ASB4: variants seen among roughly 807,000 people sequenced by gnomAD.
The protein encoded by ASB4 is ankyrin repeat and SOCS box protein 4.
ASB4 carries 35 observed loss-of-function variants against 38.6 expected under a neutral mutation model. That is an observed-to-expected ratio of 0.91 (90% CI 0.69 to 1.20). The LOEUF (loss-of-function observed/expected upper bound fraction) is 1.20, where lower values mean the gene tolerates loss of function less well. ASB4 is among the 50% of genes most tolerant of loss of function. The probability of loss-of-function intolerance (pLI) is 0.00; values close to 1 mark genes in which losing one functional copy is unlikely to be tolerated. For missense variants in ASB4, 557 were observed against 527.2 expected, an observed-to-expected ratio of 1.06 and a Z score of -0.55; for synonymous variants, 195 against 201.3, an observed-to-expected ratio of 0.97 and a Z score of 0.26.
At chr7:95,542,172 A>G (rs1322526309), downstream of ASB4, 1 of 152,080 alleles carries the variant, frequency 6.6e-6, no homozygotes, top group Non-Finnish European at 1.5e-5. Context: ...TGTTGTTATC[A>G]AGTCACTTTA....
chr7:95,549,902 T>A, the ASB4 span, among the ~76,000 whole-genome samples: 1 of 152,032 alleles, frequency 6.6e-6, no homozygotes, highest in South Asian at 2.1e-4. Flanking sequence ...AGGGAGTGAG[T>A]CACTAGCTCC....
intron 1 of ASB4, among the ~76,000 whole-genome samples, chr7:95,489,424 C>G (rs144422348): frequency 2.7e-4 from 41 of 152,284 alleles, no homozygotes; most frequent in Non-Finnish European, 5.3e-4. Flanking sequence ...AACTGTGGAT[C>G]CTGTCTTTCT....
chr7:95,546,197 T>G, the ASB4 span, among the ~76,000 whole-genome samples: 1 of 152,182 alleles, frequency 6.6e-6, no homozygotes. Flanking sequence ...AATTCTAGAT[T>G]TCTGTAAGTG....
At chr7:95,517,830 T>G (rs1009945389) in intron 2 of ASB4, among the ~76,000 whole-genome samples, 1 of 151,360 alleles carries the variant, frequency 6.6e-6, no homozygotes, top group South Asian at 2.1e-4. Context: ...TTTCAAGGAG[T>G]TCAAACAAAA....
intron 2 of ASB4, among the ~76,000 whole-genome samples, chr7:95,499,555 A>C: frequency 6.6e-6 from 1 of 152,204 alleles, no homozygotes; most frequent in East Asian, 1.9e-4. Context: ...TTGGTGAAAC[A>C]GTGTTAAAAG....
chr7:95,526,520 C>A (rs1790739108), intron 2 of ASB4, among the ~76,000 whole-genome samples: 1 of 152,106 alleles, frequency 6.6e-6, no homozygotes, highest in Non-Finnish European at 1.5e-5. Context: ...ATTACTTTAC[C>A]ACCTGTGACA....
chr7:95,525,384 C>A (rs1410403851), intron 2 of ASB4, among the ~76,000 whole-genome samples: 1 of 152,112 alleles, frequency 6.6e-6, no homozygotes, highest in Non-Finnish European at 1.5e-5. Context: ...TGTTTCTGGT[C>A]TCTAATTTAT....
intron 2 of ASB4, among the ~76,000 whole-genome samples, chr7:95,515,898 C>T (rs773327858): frequency 1.3e-5 from 2 of 152,186 alleles, no homozygotes; most frequent in Non-Finnish European, 2.9e-5. Context: ...CAAATTCCTT[C>T]TCATACAATT....
At chr7:95,515,267 CTCTTTCTTTCTTTCTTTCTT>C (rs1227960057) in intron 2 of ASB4, among the ~76,000 whole-genome samples, 17 of 72,636 alleles carry the variant, frequency 2.3e-4, no homozygotes, top group East Asian at 9.0e-4. Flanking sequence ...TTCTTTCTTT[CTCTTTCTTTCTTTCTTTCTT>C]TCTTTCTTTC....
chr7:95,511,201 C>T (rs1304296108), intron 2 of ASB4, among the ~76,000 whole-genome samples: 1 of 152,138 alleles, frequency 6.6e-6, no homozygotes, highest in African/African-American at 2.4e-5. Context: ...GACAGAATAA[C>T]GGTGGACCCC....
At chr7:95,550,507 A>C in the ASB4 span, among the ~76,000 whole-genome samples, 1 of 152,192 alleles carries the variant, frequency 6.6e-6, no homozygotes, top group Non-Finnish European at 1.5e-5. Context: ...AGCCTTCAAA[A>C]GCAAACCTGA....
At chr7:95,472,270 C>T in the ASB4 span, among the ~76,000 whole-genome samples, 3 of 152,148 alleles carry the variant, frequency 2.0e-5, no homozygotes, top group African/African-American at 7.2e-5. Flanking sequence ...TTCAATGACA[C>T]ATAGAATCTG....
In ASB4 at chr7:95,505,472, A is replaced by G. The variant is rs543026887; in HGVS notation, c.487+9415A>G. ...ATACCATATTCAAGGTTTATAATGAAAAATGTAGTACTAGATTATTCCTTC... is the reference window on the plus strand; with the variant it reads ...ATACCATATTCAAGGTTTATAATGAGAAATGTAGTACTAGATTATTCCTTC... On this transcript the variant is annotated intron_variant, in intron 2 of 4. Transcript: ENST00000325885. Among the ~76,000 whole-genome samples, 4 of 152,290 alleles carry G rather than the reference A, an allele frequency of 2.6e-5. No individual in the cohort carries two copies. In the South Asian group the frequency reaches 8.3e-4, roughly 32 times the overall value.
At chr7:95,501,984 CA>C (rs1790344830) in intron 2 of ASB4, among the ~76,000 whole-genome samples, 1 of 152,062 alleles carries the variant, frequency 6.6e-6, no homozygotes, top group Non-Finnish European at 1.5e-5. Context: ...TGTTCAACTT[CA>C]GAAGGGCAAA....
chr7:95,489,207 G>A (rs1251069651), intron 1 of ASB4, among the ~76,000 whole-genome samples: 1 of 152,142 alleles, frequency 6.6e-6, no homozygotes, highest in East Asian at 1.9e-4. Context: ...AATCTACTGG[G>A]CACACCAGTA....
chr7:95,543,405 T>C (rs752981977), downstream of ASB4: 2 of 152,214 alleles, frequency 1.3e-5, no homozygotes, highest in African/African-American at 2.4e-5. Context: ...GTCACCCCTA[T>C]TGAGTGTGTC....
At chr7:95,493,388 GTGTA>G (rs760386387) in intron 1 of ASB4, among the ~76,000 whole-genome samples, 975 of 48,646 alleles carry the variant, frequency 0.02, 11 homozygotes, top group African/African-American at 0.042. Context: ...GTGTGTGTGT[GTGTA>G]TGTGTGTGTG....
chr7:95,540,578 AAC>A (rs1392743832), downstream of ASB4, among the ~76,000 whole-genome samples: 2 of 152,232 alleles, frequency 1.3e-5, no homozygotes. Flanking sequence ...TGGGCAAAGC[AAC>A]AGAGGAAATT....
At chr7:95,532,865 C>T (rs1790838011) in intron 3 of ASB4, among the ~76,000 whole-genome samples, 2 of 152,186 alleles carry the variant, frequency 1.3e-5, no homozygotes, top group Admixed American at 6.5e-5. Context: ...ATGCCAGAGA[C>T]TCATCAAGGT....
Sources: allele counts gnomAD v4.1 joint callset (sites outside exome capture counted in the v4.1 genomes callset), GRCh38; gene constraint gnomAD v4.1.1; transcripts MANE v1.5; gene names NCBI Gene and HGNC (gene_info 2026-07-23, HGNC 2026-07-21).